Variants in AMOT observed in about 807,000 individuals in gnomAD.
AMOT encodes the protein angiomotin.
Under a neutral mutation model 67.0 loss-of-function variants are expected in AMOT, and 11 were observed. The observed-to-expected ratio is 0.16, with a 90% confidence interval of 0.10 to 0.27. The LOEUF is 0.27. Ranked by LOEUF, AMOT falls within the 10% of genes least tolerant of loss-of-function variation. AMOT has a pLI of 1.00. For synonymous variants in AMOT, 326 were observed against 321.4 expected (o/e 1.01, Z -0.15); for missense variants, 753 against 852.0 (o/e 0.88, Z 1.45).
intron 1 of AMOT, among the ~76,000 whole-genome samples, chrX:112,833,485 G>A (rs911227095): frequency 9.7e-6 from 1 of 102,813 alleles, no homozygotes; most frequent in East Asian, 3.1e-4. Flanking sequence ...TAAAGGGGGG[G>A]GGGGGGTCAT....
chrX:112,833,804 G>C (rs372920976), intron 1 of AMOT, among the ~76,000 whole-genome samples: 2 of 111,656 alleles, frequency 1.8e-5, no homozygotes, highest in East Asian at 5.6e-4. Context: ...ATGTAATAAA[G>C]AGGAATTAGG....
intron 1 of AMOT, among the ~76,000 whole-genome samples, chrX:112,835,830 C>T (rs1053438141): frequency 9.0e-6 from 1 of 111,415 alleles, no homozygotes; most frequent in Non-Finnish European, 1.9e-5. Context: ...GTGATCCGCC[C>T]GCCTCTGCCT....
Position 112,779,670 on chromosome X carries a change from CAGG to C in AMOT, c.2481_2483del (p.Leu828del), listed in dbSNP as rs1933072662. 4.2e-6 allele frequency: 5 copies of C among 1,187,768 alleles called. No homozygotes were observed. In the East Asian group the frequency reaches 1.2e-4, roughly 28 times the overall value. ...CATATTCAGCACGGTAGTCTCCACC[CAGG>C]AGAATGCCTACAAATGAAAGAGGAA... On this transcript the variant is annotated inframe_deletion, in exon 13 of 14. Coordinates refer to ENST00000371959, the MANE Select transcript of AMOT (RefSeq NM_001113490.2).
At chrX:112,824,453 G>A (rs1419783851) in intron 3 of AMOT, among the ~76,000 whole-genome samples, 10 of 111,718 alleles carry the variant, frequency 9.0e-5, no homozygotes, top group Non-Finnish European at 1.9e-4. Context: ...ATGATATTAA[G>A]TGGCCTGCAA....
At chrX:112,833,268 C>A (rs1388468371) in intron 1 of AMOT, among the ~76,000 whole-genome samples, 1 of 110,923 alleles carries the variant, frequency 9.0e-6, no homozygotes, top group Non-Finnish European at 1.9e-5. Flanking sequence ...AGCAAGTACT[C>A]ACCCCCCTAA....
intron 1 of AMOT, among the ~76,000 whole-genome samples, chrX:112,839,671 G>A (rs768942853): frequency 9.0e-6 from 1 of 110,711 alleles, no homozygotes; most frequent in Admixed American, 9.6e-5. Flanking sequence ...ATTATTATTA[G>A]TGGCAATCTA....
chrX:112,813,826 A>C (rs1442917842), intron 5 of AMOT, among the ~76,000 whole-genome samples: 2 of 111,878 alleles, frequency 1.8e-5, no homozygotes, highest in Non-Finnish European at 3.8e-5. Flanking sequence ...AATTTATTTC[A>C]CCAAAGCGAT....
chrX:112,823,269 G>GAGTGA, intron 3 of AMOT, 81 bp from the exon 4 acceptor site: 3 of 590,147 alleles, frequency 5.1e-6, no homozygotes, highest in Non-Finnish European at 7.8e-6. Context: ...GGATATTGGA[G>GAGTGA]GGTGAGGATT....
chrX:112,819,684 C>T lies in AMOT; in HGVS notation c.872+2571G>A, dbSNP rs139794990. On this transcript the variant is annotated intron_variant, in intron 4 of 13. Coordinates refer to ENST00000371959, the MANE Select transcript of AMOT (RefSeq NM_001113490.2). ...CTTGTTTCTCATCTGGGGTTCTGGG[C>T]ATTCAAGGTATTTATTTTTTAAGGG... 1.7e-3 allele frequency among the ~76,000 whole-genome samples: 188 copies of T among 112,292 alleles called. 2 individuals carry two copies. In the East Asian group the frequency reaches 0.041, roughly 24 times the overall value.
chrX:112,827,137 G>A (rs898339746), intron 2 of AMOT, among the ~76,000 whole-genome samples: 19 of 112,696 alleles, frequency 1.7e-4, no homozygotes, highest in Admixed American at 9.3e-4. Context: ...GATTACAGGC[G>A]TGAGCCACCA....
At chrX:112,786,220 G>A (rs1933359364) in intron 10 of AMOT, among the ~76,000 whole-genome samples, 1 of 112,102 alleles carries the variant, frequency 8.9e-6, no homozygotes, top group African/African-American at 3.2e-5. Flanking sequence ...CATGCATTAT[G>A]TGTGTGAACA....
chrX:112,830,281 T>C (rs1012095243), intron 2 of AMOT, among the ~76,000 whole-genome samples: 12 of 112,094 alleles, frequency 1.1e-4, no homozygotes, highest in Non-Finnish European at 5.6e-5. Flanking sequence ...ACTTTTTCCA[T>C]GTTGTGGCAT....
In AMOT at chrX:112,833,489, G is replaced by C. The variant is rs930202681; in HGVS notation, c.-288-1119C>G. On this transcript the variant is annotated intron_variant, in intron 1 of 13. Transcript: ENST00000371959. Reference sequence around the variant, plus strand: ...GTTCCTGGGAGTAAAGGGGGGGGGGGGGTCATCAAAATTTTCTTAGCTTCA... The same window carrying C: ...GTTCCTGGGAGTAAAGGGGGGGGGGCGGTCATCAAAATTTTCTTAGCTTCA... Among the ~76,000 whole-genome samples, 28 of 100,705 alleles carry C rather than the reference G, an allele frequency of 2.8e-4. 1 individual carries two copies. The highest frequency in any genetic ancestry group is 5.9e-4 in the African/African-American group (16 of 26,993). 87.5% of individuals were successfully genotyped at this position (100,705 alleles called of 115,157 possible).
chrX:112,807,274 C>G (rs999315489), intron 7 of AMOT, among the ~76,000 whole-genome samples: 2 of 110,339 alleles, frequency 1.8e-5, no homozygotes, highest in African/African-American at 6.6e-5. Context: ...AAGACTGAGA[C>G]CTAATCATAG....
chrX:112,834,950 AG>A (rs1187948476), intron 1 of AMOT, among the ~76,000 whole-genome samples: 1 of 112,220 alleles, frequency 8.9e-6, no homozygotes, highest in Non-Finnish European at 1.9e-5. Context: ...AAAAGCCGAG[AG>A]GGCCAATAAT....
rs774812387 is a variant in AMOT, at chrX:112,818,540, G to C, written c.873-2663C>G. On this transcript the variant is annotated intron_variant, in intron 4 of 13. Coordinates refer to ENST00000371959, the MANE Select transcript of AMOT (RefSeq NM_001113490.2). ...CTGGCTGGTTTGCAAACCAGCAATG[G>C]CTTGGGCAGTCACAAAGGGAGAGAA... Among the ~76,000 whole-genome samples, 10 of 111,676 alleles carry C rather than the reference G, an allele frequency of 9.0e-5. No individual in the cohort carries two copies. The South Asian group carries it at 1.5e-3, about 17-fold the overall frequency.
intron 8 of AMOT, among the ~76,000 whole-genome samples, chrX:112,800,257 A>T (rs767194598): frequency 1.2e-4 from 13 of 111,635 alleles, no homozygotes; most frequent in Admixed American, 2.9e-4. Flanking sequence ...AATAAATAAA[A>T]AATAAAAAGA....
chrX:112,809,558 T>A (rs1467240317), intron 7 of AMOT, among the ~76,000 whole-genome samples: 1 of 111,507 alleles, frequency 9.0e-6, no homozygotes, highest in Non-Finnish European at 1.9e-5. Context: ...ACACACAGTT[T>A]CTTCTAAGAA....
At chrX:112,791,784 G>A (rs1933602867) in intron 9 of AMOT, 48 bp downstream of exon 9, 2 of 1,191,108 alleles carry the variant, frequency 1.7e-6, no homozygotes, top group African/African-American at 1.8e-5. Flanking sequence ...CAGGAATAAT[G>A]TCATTTTCTT....
Sources: gnomAD v4.1 joint callset for allele counts (sites outside exome capture counted in the v4.1 genomes callset) on GRCh38, gnomAD v4.1.1 for gene constraint, MANE v1.5 for transcripts, NCBI Gene and HGNC (gene_info 2026-07-23, HGNC 2026-07-21) for gene names.